The following KCNMA1 variants were observed in gnomAD, a reference collection of about 807,000 sequenced individuals.
KCNMA1 encodes the protein potassium calcium-activated channel subfamily M alpha 1, also known as Calcium-activated potassium channel subunit alpha-1.
In KCNMA1, 29 loss-of-function variants were observed where a neutral mutation model predicts 140.0. The observed-to-expected ratio is 0.21, with a 90% CI of 0.15 to 0.28. KCNMA1 has a LOEUF of 0.28. Ranked by LOEUF, KCNMA1 falls within the 10% of genes least tolerant of loss-of-function variation. The probability of loss-of-function intolerance (pLI) is 1.00; values close to 1 mark genes in which losing one functional copy is unlikely to be tolerated. For missense variants in KCNMA1, 880 were observed against 1,602.2 expected (o/e 0.55, Z 7.70); for synonymous variants, 612 against 611.9 (o/e 1.00, Z 0.00).
At chr10:77,326,971 C>A (rs2084445353) in intron 2 of KCNMA1, among the ~76,000 whole-genome samples, 1 of 152,080 alleles carries the variant, frequency 6.6e-6, no homozygotes, top group African/African-American at 2.4e-5. Flanking sequence ...TATACCTGGG[C>A]CCCAAAATGC....
rs1051483191 is a variant in KCNMA1 at position 77,600,738 on chromosome 10, C to T, written c.378+36527G>A. Among the ~76,000 whole-genome samples the T allele has an allele frequency of 2.7e-5, 4 of 146,562 alleles. No individual in the cohort carries two copies. In the South Asian group the frequency reaches 8.7e-4, roughly 32 times the overall value. ...CTGCAGCCTGGGTGACAGAGCGAAA[C>T]TCCATCTCAAACACACACACACACA... On this transcript the variant is annotated intron_variant, in intron 1 of 27. Transcript: ENST00000286628.
intron 5 of KCNMA1, among the ~76,000 whole-genome samples, chr10:77,168,034 T>C (rs752762): frequency 0.03 from 4,526 of 152,306 alleles, 229 homozygotes; most frequent in African/African-American, 0.1. Context: ...AGCCTATTTA[T>C]AACATAGGCC....
At chr10:77,503,398 G>A (rs2044631970) in intron 1 of KCNMA1, among the ~76,000 whole-genome samples, 1 of 152,058 alleles carries the variant, frequency 6.6e-6, no homozygotes, top group Admixed American at 6.5e-5. Flanking sequence ...GATTTGGAGA[G>A]ACAGATCACT....
At chr10:77,299,213 C>G (rs1367399179) in intron 2 of KCNMA1, among the ~76,000 whole-genome samples, 1 of 152,234 alleles carries the variant, frequency 6.6e-6, no homozygotes, top group African/African-American at 2.4e-5. Flanking sequence ...TGACTTACTA[C>G]TACCACCCAT....
At chr10:77,099,016 A>C (rs1474957294) in intron 9 of KCNMA1, among the ~76,000 whole-genome samples, 1 of 152,058 alleles carries the variant, frequency 6.6e-6, no homozygotes, top group Non-Finnish European at 1.5e-5. Context: ...CAGGGAGCTG[A>C]ATGGCACTTT....
At chr10:77,502,248 T>A (rs1375172900) in intron 1 of KCNMA1, among the ~76,000 whole-genome samples, 1 of 152,198 alleles carries the variant, frequency 6.6e-6, no homozygotes. Context: ...ACACCAGAAA[T>A]GCCTTTTCTT....
intron 1 of KCNMA1, among the ~76,000 whole-genome samples, chr10:77,584,020 C>A (rs2255656): frequency 0.91 from 138,110 of 152,310 alleles, 62,786 homozygotes; most frequent in Middle Eastern, 0.97. Context: ...TGATTAAATT[C>A]TGTGTCCTCT....
intron 2 of KCNMA1, among the ~76,000 whole-genome samples, chr10:77,311,723 G>C (rs777647259): frequency 3.3e-5 from 5 of 152,192 alleles, no homozygotes; most frequent in Non-Finnish European, 7.3e-5. Flanking sequence ...CCAGTGATTG[G>C]GAATGGGTTC....
intron 1 of KCNMA1, among the ~76,000 whole-genome samples, chr10:77,561,639 G>A (rs1355842578): frequency 2.6e-5 from 4 of 152,116 alleles, no homozygotes; most frequent in Admixed American, 6.5e-5. Flanking sequence ...CCAGAGGGAT[G>A]GAAAACATTT....
chr10:76,948,845 C>G (rs968471312), intron 22 of KCNMA1: 2 of 468,500 alleles, frequency 4.3e-6, no homozygotes, highest in Non-Finnish European at 7.8e-6. Flanking sequence ...TAACAATGCT[C>G]TAGGTTTTGT....
intron 1 of KCNMA1, among the ~76,000 whole-genome samples, chr10:77,582,517 C>T (rs935111807): frequency 3.3e-5 from 5 of 152,296 alleles, no homozygotes; most frequent in Non-Finnish European, 5.9e-5. Flanking sequence ...CACCATGGCA[C>T]GTGTATACCT....
chr10:77,247,717 T>C lies in KCNMA1; in HGVS notation c.602+3478A>G, dbSNP rs373259019. On this transcript the variant is annotated intron_variant, in intron 3 of 27. Coordinates refer to ENST00000286628, the MANE Select transcript of KCNMA1 (RefSeq NM_001161352.2). ...TGGAGATCTTTGGGGAGATGGTGTGTGGAGGGCTCAATGCTTGTCTGTGCT... is the reference window on the plus strand; with the variant it reads ...TGGAGATCTTTGGGGAGATGGTGTGCGGAGGGCTCAATGCTTGTCTGTGCT... 3.7e-4 allele frequency among the ~76,000 whole-genome samples: 57 copies of C among 152,272 alleles called. 1 individual carries two copies. Among genetic ancestry groups the C allele is most frequent in the African/African-American group, 1.3e-3 (54 of 41,566 alleles).
intron 23 of KCNMA1, among the ~76,000 whole-genome samples, chr10:76,916,329 C>T (rs542762443): frequency 6.6e-6 from 1 of 152,130 alleles, no homozygotes; most frequent in Admixed American, 6.6e-5. Context: ...AAGTACATAC[C>T]TGGATGAGGT....
intron 9 of KCNMA1, among the ~76,000 whole-genome samples, chr10:77,097,335 G>T (rs948151961): frequency 6.6e-6 from 1 of 152,148 alleles, no homozygotes. Flanking sequence ...AAAGATAGGG[G>T]AGACATCATG....
chr10:77,562,271 G>A (rs1462952063), intron 1 of KCNMA1, among the ~76,000 whole-genome samples: 1 of 152,184 alleles, frequency 6.6e-6, no homozygotes, highest in African/African-American at 2.4e-5. Flanking sequence ...GACCATACAA[G>A]CTTCATGGAT....
intron 1 of KCNMA1, among the ~76,000 whole-genome samples, chr10:77,453,017 G>A (rs2097692089): frequency 6.6e-6 from 1 of 152,100 alleles, no homozygotes; most frequent in Non-Finnish European, 1.5e-5. Context: ...GTTGCTATAA[G>A]GACAGAACCT....
chr10:77,087,658 G>A (rs2096723824), intron 10 of KCNMA1, among the ~76,000 whole-genome samples: 1 of 152,182 alleles, frequency 6.6e-6, no homozygotes, highest in African/African-American at 2.4e-5. Context: ...GTGCTGATCT[G>A]TACTGACATC....
chr10:77,593,437 C>A (rs992613036), intron 1 of KCNMA1, among the ~76,000 whole-genome samples: 2 of 152,166 alleles, frequency 1.3e-5, no homozygotes, highest in Non-Finnish European at 2.9e-5. Flanking sequence ...GTAATTGCAG[C>A]TTTGAAGTAC....
intron 3 of KCNMA1, among the ~76,000 whole-genome samples, chr10:77,193,691 C>A (rs759767009): frequency 1.3e-5 from 2 of 152,166 alleles, no homozygotes; most frequent in Non-Finnish European, 2.9e-5. Context: ...AGCCTCCCAG[C>A]ACAAATATAT....
Sources: allele counts gnomAD v4.1 joint callset (sites outside exome capture counted in the v4.1 genomes callset), GRCh38; gene constraint gnomAD v4.1.1; transcripts MANE v1.5; gene names NCBI Gene and HGNC (gene_info 2026-07-23, HGNC 2026-07-21).